The following RBFOX1 variants were observed in gnomAD, a reference collection of about 807,000 sequenced individuals.
The protein encoded by RBFOX1 is RNA binding protein fox-1 homolog 1.
A neutral mutation model predicts 57.7 loss-of-function variants in RBFOX1; 8 were observed. The observed-to-expected ratio is 0.14, with a 90% CI of 0.08 to 0.25. The LOEUF is 0.25. Among genes scored for constraint, RBFOX1 ranks in the 10% least tolerant of loss-of-function variants. The pLI is 1.00. For synonymous variants in RBFOX1, 326 were observed against 222.4 expected (o/e 1.47, Z -4.15); for missense variants, 611 against 548.5 (o/e 1.11, Z -1.14).
At position 6,025,840 on chromosome 16, in the gene RBFOX1, C is replaced by G. The variant is rs140920296; in HGVS notation, c.-127+5848C>G. 8.1e-3 allele frequency among the ~76,000 whole-genome samples: 1,232 copies of G among 152,278 alleles called. 16 individuals carry two copies. Among genetic ancestry groups the G allele is most frequent in the African/African-American group, 0.028 (1,158 of 41,550 alleles). On this transcript the variant is annotated intron_variant, in intron 1 of 15. Coordinates refer to ENST00000550418, the MANE Select transcript of RBFOX1 (RefSeq NM_018723.4). ...GACACCTGGACAATTCAGTTTTCCT[C>G]CCACATTGACTGTCTCTTTATCCAC...
rs186671462 is a variant in RBFOX1, at chr16:7,547,335, A to C, written c.270+28946A>C. Reference sequence around the variant, plus strand: ...CAAAGTCTGTTTGTAAGTGGCCACTAACTCAACAAGTGTATAATTGTGTCA... The same window carrying C: ...CAAAGTCTGTTTGTAAGTGGCCACTCACTCAACAAGTGTATAATTGTGTCA... On this transcript the variant is annotated intron_variant, in intron 5 of 15. Transcript: ENST00000550418. Among the ~76,000 whole-genome samples, 5 of 152,364 alleles carry C rather than the reference A, an allele frequency of 3.3e-5. No homozygotes were observed. In the East Asian group the frequency reaches 9.6e-4, roughly 29 times the overall value.
At chr16:5,740,692 A>C (rs999253503) in intron 3 of RBFOX1, among the ~76,000 whole-genome samples, 1 of 152,194 alleles carries the variant, frequency 6.6e-6, no homozygotes, top group African/African-American at 2.4e-5. Flanking sequence ...TACTTCCCAT[A>C]TCTCAGTATC....
At chr16:6,220,968 G>A (rs552000296) in intron 1 of RBFOX1, among the ~76,000 whole-genome samples, 1 of 151,980 alleles carries the variant, frequency 6.6e-6, no homozygotes, top group Non-Finnish European at 1.5e-5. Flanking sequence ...GTGTGTGTGT[G>A]TGTATGTGTG....
intron 4 of RBFOX1, among the ~76,000 whole-genome samples, chr16:7,131,829 C>G (rs2070494210): frequency 6.6e-6 from 1 of 151,890 alleles, no homozygotes. Context: ...TTAATTTTTC[C>G]CTACATCTAA....
chr16:5,637,540 C>G (rs1052527629), intron 3 of RBFOX1, among the ~76,000 whole-genome samples: 7 of 152,178 alleles, frequency 4.6e-5, no homozygotes, highest in Non-Finnish European at 7.3e-5. Flanking sequence ...GACTATTGAA[C>G]ACCTAGTGTA....
intron 4 of RBFOX1, among the ~76,000 whole-genome samples, chr16:6,008,973 G>C (rs2094943654): frequency 6.6e-6 from 1 of 152,092 alleles, no homozygotes. Context: ...CTCTCAAGTT[G>C]GCTACCCCTT....
Position 5,980,336 on chromosome 16 carries a change from T to C in RBFOX1, c.351+113001T>C, listed in dbSNP as rs191215584. 1.6e-4 allele frequency among the ~76,000 whole-genome samples: 24 copies of C among 152,226 alleles called. No individual in the cohort carries two copies. In the East Asian group the frequency reaches 3.9e-3, roughly 25 times the overall value. On this transcript the variant is annotated intron_variant, in intron 4 of 19. Coordinates refer to the RBFOX1 transcript ENST00000641259. ...GCAGGGGGCGGCAGAACGGTATAGA[T>C]GGTAATGACCTCCCAGGCAGGTGGG...
At chr16:7,610,641 G>C (rs1478665067) in intron 10 of RBFOX1, among the ~76,000 whole-genome samples, 1 of 152,180 alleles carries the variant, frequency 6.6e-6, no homozygotes, top group East Asian at 1.9e-4. Context: ...TATGTAGGTA[G>C]ACAGAGCTCA....
chr16:6,146,057 C>G (rs977290945), intron 1 of RBFOX1, among the ~76,000 whole-genome samples: 6 of 152,154 alleles, frequency 3.9e-5, no homozygotes, highest in African/African-American at 1.4e-4. Context: ...AGCTAATTGG[C>G]TTTACATGGG....
chr16:6,651,170 G>T lies in RBFOX1; in HGVS notation c.-63-3433G>T, dbSNP rs1435722548. On this transcript the variant is annotated intron_variant, in intron 2 of 15. Coordinates refer to ENST00000550418, the MANE Select transcript of RBFOX1 (RefSeq NM_018723.4). ...ACCCGCCTCAGTCTCCCAGAGTGCT[G>T]GGATTGCAGGCGTGAGCCACCACAC... Among the ~76,000 whole-genome samples, 3 of 152,158 alleles carry T rather than the reference G, an allele frequency of 2.0e-5. 1 individual carries two copies. Among genetic ancestry groups the T allele is most frequent in the Admixed American group, 2.0e-4 (3 of 15,280 alleles).
chr16:7,136,796 T>A (rs1047141477), intron 4 of RBFOX1, among the ~76,000 whole-genome samples: 1 of 152,180 alleles, frequency 6.6e-6, no homozygotes, highest in Non-Finnish European at 1.5e-5. Flanking sequence ...AACCAGGGCA[T>A]TCTAAATTCT....
chr16:6,925,220 G>A (rs1381891900), intron 3 of RBFOX1, among the ~76,000 whole-genome samples: 1 of 128,992 alleles, frequency 7.8e-6, no homozygotes, highest in African/African-American at 2.9e-5. Context: ...TGAAGCCTCT[G>A]CCTCCCGGGC....
chr16:6,411,194 G>A (rs771850492), intron 2 of RBFOX1, among the ~76,000 whole-genome samples: 3 of 152,118 alleles, frequency 2.0e-5, no homozygotes, highest in African/African-American at 4.8e-5. Flanking sequence ...AGTGGTCCAA[G>A]TTGGTCTTGA....
At chr16:7,168,425 A>G (rs568944353) in intron 4 of RBFOX1, among the ~76,000 whole-genome samples, 6 of 152,020 alleles carry the variant, frequency 3.9e-5, no homozygotes, top group African/African-American at 1.4e-4. Flanking sequence ...TTGTCCACCA[A>G]TTCTCATTGC....
At chr16:5,630,286 G>C (rs2048465856) in intron 3 of RBFOX1, among the ~76,000 whole-genome samples, 2 of 152,072 alleles carry the variant, frequency 1.3e-5, no homozygotes, top group South Asian at 2.1e-4. Context: ...GTGAAACCCT[G>C]TGTCTACTAA....
At chr16:5,866,291 A>G (rs1386218551) in intron 3 of RBFOX1, among the ~76,000 whole-genome samples, 2 of 152,188 alleles carry the variant, frequency 1.3e-5, no homozygotes, top group Non-Finnish European at 2.9e-5. Flanking sequence ...TTTGATGGGC[A>G]CTAATCCCAT....
At chr16:6,797,142 C>T (rs577856030) in intron 3 of RBFOX1, among the ~76,000 whole-genome samples, 54 of 152,304 alleles carry the variant, frequency 3.5e-4, no homozygotes, top group African/African-American at 1.2e-3. Flanking sequence ...TACTACTCTG[C>T]AGATAGGCAG....
intron 2 of RBFOX1, chr16:6,483,763 C>T: frequency 7.1e-7 from 1 of 1,417,564 alleles, no homozygotes; most frequent in Non-Finnish European, 9.2e-7. Flanking sequence ...CAGCCGTCAG[C>T]CGCTGTCCAA....
chr16:6,858,539 C>A (rs1330082241), intron 3 of RBFOX1, among the ~76,000 whole-genome samples: 1 of 152,132 alleles, frequency 6.6e-6, no homozygotes, highest in Non-Finnish European at 1.5e-5. Flanking sequence ...GCTTGTTTTA[C>A]TTAGAATCGT....
Sources: gnomAD v4.1 joint callset for allele counts (sites outside exome capture counted in the v4.1 genomes callset) on GRCh38, gnomAD v4.1.1 for gene constraint, MANE v1.5 for transcripts, NCBI Gene and HGNC (gene_info 2026-07-23, HGNC 2026-07-21) for gene names.